ADGRL3: variants seen among roughly 807,000 people sequenced by gnomAD.
The protein encoded by ADGRL3 is calcium-independent alpha-latrotoxin receptor 3.
A neutral mutation model predicts 153.5 loss-of-function variants in ADGRL3; 62 were observed. The observed-to-expected ratio is 0.40, with a 90% CI of 0.33 to 0.50. ADGRL3 has a LOEUF of 0.50. ADGRL3 is among the 20% of genes least tolerant of loss of function. The pLI is 0.47. For missense variants in ADGRL3, 1,641 were observed against 1,859.4 expected (o/e 0.88, Z 2.16); for synonymous variants, 710 against 672.5 (o/e 1.06, Z -0.86).
intron 4 of ADGRL3, among the ~76,000 whole-genome samples, chr4:61,567,107 A>G (rs1007428634): frequency 6.6e-6 from 1 of 152,192 alleles, no homozygotes; most frequent in Admixed American, 6.5e-5. Flanking sequence ...AAATTCAACA[A>G]TTTTACAATT....
At chr4:61,945,765 G>A (rs1343640864) in intron 15 of ADGRL3, among the ~76,000 whole-genome samples, 2 of 151,704 alleles carry the variant, frequency 1.3e-5, no homozygotes, top group Non-Finnish European at 2.9e-5. Context: ...GCGCTTCCCA[G>A]GTGAGGCAAT....
intron 25 of ADGRL3, among the ~76,000 whole-genome samples, chr4:62,048,595 C>T (rs1392082573): frequency 6.6e-6 from 1 of 151,946 alleles, no homozygotes; most frequent in East Asian, 1.9e-4. Flanking sequence ...CTCCCTCTGT[C>T]ACCCTGTTTG....
At chr4:61,280,253 G>A (rs758959642) in intron 1 of ADGRL3, among the ~76,000 whole-genome samples, 1 of 151,448 alleles carries the variant, frequency 6.6e-6, no homozygotes, top group Non-Finnish European at 1.5e-5. Context: ...GGGACTACAG[G>A]AGCACGCCAC....
intron 6 of ADGRL3, among the ~76,000 whole-genome samples, chr4:61,685,329 C>G (rs1407573670): frequency 1.3e-5 from 2 of 152,020 alleles, no homozygotes; most frequent in Non-Finnish European, 2.9e-5. Flanking sequence ...TGCTAAATGC[C>G]AGTGAAGACG....
intron 8 of ADGRL3, among the ~76,000 whole-genome samples, chr4:61,766,479 A>T: frequency 6.6e-6 from 1 of 152,070 alleles, no homozygotes; most frequent in Non-Finnish European, 1.5e-5. Flanking sequence ...AAGAATTCTG[A>T]CCTCGCTAAC....
At chr4:61,949,017 G>GA (rs78444273) in intron 17 of ADGRL3, among the ~76,000 whole-genome samples, 8,670 of 119,920 alleles carry the variant, frequency 0.072, 392 homozygotes, top group East Asian at 0.22. Flanking sequence ...AGGAAACTCA[G>GA]AAAAAAAAAA....
At position 62,071,138 on chromosome 4, in the gene ADGRL3, C is replaced by A; in HGVS notation, c.*230C>A. ...ACCCCATCCTTTCTTGTCCTTTCCCCTTCAGATGGAGACTTCATTATGTTA... is the reference window on the plus strand; with the variant it reads ...ACCCCATCCTTTCTTGTCCTTTCCCATTCAGATGGAGACTTCATTATGTTA... On this transcript the variant is annotated 3_prime_UTR_variant, in exon 27 of 27. Coordinates refer to ENST00000683033, the MANE Select transcript of ADGRL3 (RefSeq NM_001387552.1). 1 of 438,850 alleles carries A rather than the reference C, an allele frequency of 2.3e-6. No individual in the cohort carries two copies. The highest frequency in any genetic ancestry group is 4.0e-6 in the Non-Finnish European group (1 of 247,708). The allele number at this position is 438,850 out of a possible 1,614,324, so 27.2% of individuals were successfully genotyped here.
chr4:61,833,768 G>A (rs1179850613), intron 9 of ADGRL3, among the ~76,000 whole-genome samples: 1 of 152,086 alleles, frequency 6.6e-6, no homozygotes, highest in Non-Finnish European at 1.5e-5. Context: ...TAGTCCCCAG[G>A]CAAGAAGGGG....
At chr4:61,282,229 A>G (rs2093748732) in intron 1 of ADGRL3, among the ~76,000 whole-genome samples, 2 of 152,092 alleles carry the variant, frequency 1.3e-5, no homozygotes, top group South Asian at 2.1e-4. Flanking sequence ...TGCTATTTAT[A>G]TGCTTTCATT....
chr4:61,494,558 A>T (rs1363618603), intron 2 of ADGRL3, among the ~76,000 whole-genome samples: 1 of 152,172 alleles, frequency 6.6e-6, no homozygotes, highest in Non-Finnish European at 1.5e-5. Flanking sequence ...TGAGTTATAC[A>T]CTTATGACAA....
At chr4:61,654,041 T>C (rs1208659493) in intron 5 of ADGRL3, among the ~76,000 whole-genome samples, 1 of 152,200 alleles carries the variant, frequency 6.6e-6, no homozygotes, top group Non-Finnish European at 1.5e-5. Context: ...TTTTTTAAGA[T>C]ATTTTGGGCT....
intron 1 of ADGRL3, among the ~76,000 whole-genome samples, chr4:61,205,083 T>G (rs1042945122): frequency 1.2e-4 from 19 of 152,204 alleles, no homozygotes; most frequent in African/African-American, 4.1e-4. Context: ...TGGATTTGAT[T>G]TACCATTGAT....
At chr4:62,049,294 C>T (rs1048423801) in intron 25 of ADGRL3, among the ~76,000 whole-genome samples, 2 of 151,998 alleles carry the variant, frequency 1.3e-5, no homozygotes, top group African/African-American at 4.8e-5. Flanking sequence ...ATTTTGTTTT[C>T]TTCTGGAACA....
rs1198716394 is a variant in ADGRL3 at position 61,370,294 on chromosome 4, T to C, written c.-239-12830T>C. ...TAGCTTTTGAATGTGTTTGCTCTTG[T>C]TTTTCTAGTTCTTTTAATTGTGATG... On this transcript the variant is annotated intron_variant, in intron 1 of 26. Transcript: ENST00000683033. Among the ~76,000 whole-genome samples the C allele has an allele frequency of 9.0e-3, 1,343 of 148,996 alleles. 17 individuals carry two copies. Among genetic ancestry groups the C allele is most frequent in the African/African-American group, 0.032 (1,258 of 39,614 alleles).
chr4:61,620,634 CTTTTTTTTT>C (rs71664993), intron 5 of ADGRL3, among the ~76,000 whole-genome samples: 17 of 69,704 alleles, frequency 2.4e-4, no homozygotes, highest in South Asian at 6.7e-4. Flanking sequence ...TAAATTGTGA[CTTTTTTTTT>C]TTTTTTTTTT....
chr4:61,314,230 A>G (rs1169484310), intron 1 of ADGRL3, among the ~76,000 whole-genome samples: 1 of 139,096 alleles, frequency 7.2e-6, no homozygotes, highest in Non-Finnish European at 1.5e-5. Flanking sequence ...TTTTTCTGAG[A>G]TTGAGTTTCG....
intron 1 of ADGRL3, among the ~76,000 whole-genome samples, chr4:61,367,955 T>C (rs938983281): frequency 6.6e-6 from 1 of 151,096 alleles, no homozygotes; most frequent in African/African-American, 2.5e-5. Context: ...TGGTATCTCA[T>C]TGTGGTTTCG....
intron 1 of ADGRL3, among the ~76,000 whole-genome samples, chr4:61,303,343 G>A (rs1403152207): frequency 6.6e-6 from 1 of 152,140 alleles, no homozygotes; most frequent in Non-Finnish European, 1.5e-5. Context: ...CTTATAGGTT[G>A]TAAAGATTGA....
At chr4:62,005,926 TTTTTA>T (rs1156371965) in intron 21 of ADGRL3, among the ~76,000 whole-genome samples, 9 of 145,366 alleles carry the variant, frequency 6.2e-5, no homozygotes, top group Non-Finnish European at 1.2e-4. Flanking sequence ...AATTTGCTAG[TTTTTA>T]TTTTATTTAT....
Sources: gnomAD v4.1 joint callset for allele counts (sites outside exome capture counted in the v4.1 genomes callset) on GRCh38, gnomAD v4.1.1 for gene constraint, MANE v1.5 for transcripts, NCBI Gene and HGNC (gene_info 2026-07-23, HGNC 2026-07-21) for gene names.